NRG1: variants seen among roughly 807,000 people sequenced by gnomAD.
NRG1 encodes neuregulin 1.
NRG1 carries 18 observed loss-of-function variants against 63.8 expected under a neutral mutation model. That is an observed-to-expected ratio of 0.28 (90% CI 0.19 to 0.42). The LOEUF (loss-of-function observed/expected upper bound fraction) is 0.42. NRG1 is among the 10% of genes least tolerant of loss of function. The pLI is 1.00. For missense variants in NRG1, 762 were observed against 814.7 expected, an observed-to-expected ratio of 0.94 and a Z score of 0.79; for synonymous variants, 302 against 301.3, an observed-to-expected ratio of 1.00 and a Z score of -0.02.
chr8:32,124,919 A>G (rs1164528442), intron 1 of NRG1, among the ~76,000 whole-genome samples: 1 of 151,898 alleles, frequency 6.6e-6, no homozygotes, highest in African/African-American at 2.4e-5. Context: ...AATAGACACT[A>G]CTATGGGCTG....
chr8:32,443,663 T>C (rs1819846411), intron 1 of NRG1, among the ~76,000 whole-genome samples: 2 of 152,222 alleles, frequency 1.3e-5, no homozygotes, highest in Non-Finnish European at 2.9e-5. Context: ...TTAATTGTTC[T>C]GTGGGCTGAT....
chr8:32,271,564 T>C (rs1851551602), intron 1 of NRG1, among the ~76,000 whole-genome samples: 1 of 152,156 alleles, frequency 6.6e-6, no homozygotes, highest in African/African-American at 2.4e-5. Context: ...TTTGTTCAAG[T>C]GTGGACAAAT....
chr8:31,674,786 A>C (rs1807510606), intron 1 of NRG1, among the ~76,000 whole-genome samples: 1 of 152,226 alleles, frequency 6.6e-6, no homozygotes, highest in Non-Finnish European at 1.5e-5. Flanking sequence ...AGACTCAGCC[A>C]CCATCATGCA....
intron 1 of NRG1, among the ~76,000 whole-genome samples, chr8:32,541,382 T>C (rs1245744326): frequency 6.6e-6 from 1 of 152,040 alleles, no homozygotes; most frequent in Non-Finnish European, 1.5e-5. Flanking sequence ...AGGTACAGAA[T>C]ATGATGGGTC....
chr8:32,102,927 G>C (rs797022271), intron 1 of NRG1, among the ~76,000 whole-genome samples: 2 of 151,814 alleles, frequency 1.3e-5, no homozygotes, highest in Non-Finnish European at 1.5e-5. Flanking sequence ...TACACAGTAG[G>C]TGTCTATATT....
intron 1 of NRG1, among the ~76,000 whole-genome samples, chr8:31,865,707 G>A (rs1388202744): frequency 6.6e-6 from 1 of 152,152 alleles, no homozygotes; most frequent in East Asian, 1.9e-4. Context: ...GTTTCCTGAG[G>A]CCTCTCTAGC....
chr8:32,226,361 A>G (rs1366433908), intron 1 of NRG1, among the ~76,000 whole-genome samples: 2 of 152,132 alleles, frequency 1.3e-5, no homozygotes, highest in Non-Finnish European at 2.9e-5. Context: ...CTTTCTGCAT[A>G]TTGCCAAGGG....
Position 31,935,354 on chromosome 8 carries a change from T to A in NRG1, c.37+295923T>A, listed in dbSNP as rs138132664. ...CCCAGGCTGGTCTCAAACTCCTGTG[T>A]TCAAGTGGTCCTCCCGCCTCAGCCT... On this transcript the variant is annotated intron_variant, in intron 1 of 10. Transcript: ENST00000519301. Among the ~76,000 whole-genome samples, 144 of 151,990 alleles carry A rather than the reference T, an allele frequency of 9.5e-4. 2 individuals carry two copies. The East Asian group carries it at 0.025, about 26-fold the overall frequency.
chr8:32,490,595 A>G (rs1164781353), intron 1 of NRG1, among the ~76,000 whole-genome samples: 3 of 152,228 alleles, frequency 2.0e-5, no homozygotes, highest in East Asian at 1.9e-4. Context: ...GAGCAGAAGC[A>G]TAACTCATCT....
chr8:32,197,176 G>A (rs1218927172), intron 1 of NRG1, among the ~76,000 whole-genome samples: 1 of 151,658 alleles, frequency 6.6e-6, no homozygotes, highest in African/African-American at 2.4e-5. Flanking sequence ...TGGCCAGGCT[G>A]GTCTCAAACA....
chr8:32,254,025 C>T (rs183520223), intron 1 of NRG1, among the ~76,000 whole-genome samples: 13 of 152,194 alleles, frequency 8.5e-5, no homozygotes, highest in Admixed American at 7.2e-4. Context: ...TCTGTGGGAT[C>T]AGTGGTGATA....
At chr8:32,163,090 A>G (rs1839014069) in intron 1 of NRG1, among the ~76,000 whole-genome samples, 1 of 152,242 alleles carries the variant, frequency 6.6e-6, no homozygotes, top group South Asian at 2.1e-4. Flanking sequence ...ATGTGGAAGG[A>G]TCAATGAATC....
intron 1 of NRG1, among the ~76,000 whole-genome samples, chr8:32,400,798 A>G (rs1428867939): frequency 1.3e-5 from 2 of 152,210 alleles, no homozygotes. Context: ...TATGTACACA[A>G]AGGAATACAA....
chr8:32,101,281 C>G lies in NRG1; in HGVS notation c.37+461850C>G, dbSNP rs560605547. On this transcript the variant is annotated intron_variant, in intron 1 of 10. Coordinates refer to the NRG1 transcript ENST00000519301. ...CTCACACTTTCCCCAGGTTTCAGTA[C>G]CTGGGGCTCACAATCTCAGTGGAAG... 2.6e-5 allele frequency among the ~76,000 whole-genome samples: 4 copies of G among 152,214 alleles called. No homozygotes were observed. In the South Asian group the frequency reaches 8.3e-4, roughly 32 times the overall value.
chr8:31,968,836 G>A (rs1194798599), intron 1 of NRG1, among the ~76,000 whole-genome samples: 2 of 152,182 alleles, frequency 1.3e-5, no homozygotes, highest in Non-Finnish European at 2.9e-5. Flanking sequence ...GACACGATAA[G>A]AGAAGCTGTT....
chr8:31,654,688 A>G (rs1805248600), intron 1 of NRG1, among the ~76,000 whole-genome samples: 1 of 152,228 alleles, frequency 6.6e-6, no homozygotes, highest in Non-Finnish European at 1.5e-5. Flanking sequence ...CTGTAATCAC[A>G]GTGCTTTGGG....
chr8:31,972,500 G>T (rs746377440), intron 1 of NRG1, among the ~76,000 whole-genome samples: 2 of 152,030 alleles, frequency 1.3e-5, no homozygotes, highest in Non-Finnish European at 2.9e-5. Flanking sequence ...TCTAAGGCTC[G>T]CTTACTATTT....
intron 1 of NRG1, among the ~76,000 whole-genome samples, chr8:31,859,262 A>G (rs1828245182): frequency 6.6e-6 from 1 of 152,220 alleles, no homozygotes; most frequent in Admixed American, 6.5e-5. Flanking sequence ...TGCCTTGAGT[A>G]TATGAAGCTA....
intron 1 of NRG1, among the ~76,000 whole-genome samples, chr8:32,012,120 C>A (rs748885641): frequency 6.6e-6 from 1 of 152,074 alleles, no homozygotes; most frequent in Non-Finnish European, 1.5e-5. Context: ...AAAGCAAGAG[C>A]TTTCTATTGG....
Sources: gnomAD v4.1 joint callset for allele counts (sites outside exome capture counted in the v4.1 genomes callset) on GRCh38, gnomAD v4.1.1 for gene constraint, MANE v1.5 for transcripts, NCBI Gene and HGNC (gene_info 2026-07-23, HGNC 2026-07-21) for gene names.